Variants in PCDHA13 observed in about 807,000 individuals in gnomAD.
PCDHA13 encodes protocadherin alpha 13.
Under a neutral mutation model 64.8 loss-of-function variants are expected in PCDHA13, and 54 were observed. That is an observed-to-expected ratio of 0.83 (90% CI 0.67 to 1.04). PCDHA13 has a LOEUF of 1.04. Ranked by LOEUF, PCDHA13 falls within the 50% of genes least tolerant of loss-of-function variation. PCDHA13 has a pLI of 0.00. For missense variants in PCDHA13, 1,248 were observed against 1,254.3 expected, an observed-to-expected ratio of 0.99 and a Z score of 0.08; for synonymous variants, 587 against 564.4, an observed-to-expected ratio of 1.04 and a Z score of -0.57.
intron 3 of PCDHA13, among the ~76,000 whole-genome samples, chr5:140,991,989 G>A (rs782528431): frequency 1.3e-5 from 2 of 151,180 alleles, no homozygotes; most frequent in African/African-American, 4.9e-5. Flanking sequence ...CCTACCACCC[G>A]GTCTTTCATG....
At chr5:140,998,210 A>G (rs2097801454) in intron 3 of PCDHA13, among the ~76,000 whole-genome samples, 1 of 152,218 alleles carries the variant, frequency 6.6e-6, no homozygotes, top group South Asian at 2.1e-4. Flanking sequence ...TTTAATCTGT[A>G]TAACCACACC....
rs79396364 is a variant in PCDHA13 at position 140,939,917 on chromosome 5, T to C, written c.2395-39032T>C. On this transcript the variant is annotated intron_variant, in intron 1 of 3. Transcript: ENST00000289272. ...TATTCTGCATTCTTTTTTATTCTTT[T>C]TGTTTGCTTATTTTATCAGTTACTG... is the stretch of plus-strand genomic sequence containing the variant. Among the ~76,000 whole-genome samples, 828 of 152,316 alleles carry C rather than the reference T, an allele frequency of 5.4e-3. 3 individuals carry two copies. The highest frequency in any genetic ancestry group is 0.019 in the African/African-American group (797 of 41,560).
chr5:140,928,106 G>GGGA lies in PCDHA13; in HGVS notation c.2394+43446_2394+43448dup, dbSNP rs2084940814. The stretch of plus-strand genomic sequence containing the variant: ...CTGCTGATTGATGGGCCCCTGGACC[G>GGGA]GGAGCAGATCAGTGAATACCAAGTC... On this transcript the variant is annotated intron_variant, in intron 1 of 3. Coordinates refer to ENST00000289272, the MANE Select transcript of PCDHA13 (RefSeq NM_018904.3). The GGGA allele has an allele frequency of 1.9e-6, 3 of 1,614,032 alleles. No individual in the cohort carries two copies. In the South Asian group the frequency reaches 3.3e-5, roughly 18 times the overall value.
chr5:140,897,769 C>T (rs1441051679), intron 1 of PCDHA13, among the ~76,000 whole-genome samples: 2 of 152,198 alleles, frequency 1.3e-5, no homozygotes, highest in Non-Finnish European at 2.9e-5. Flanking sequence ...GCCACACTGA[C>T]TTCCACAATG....
chr5:140,975,588 A>G (rs2096673583), intron 1 of PCDHA13, among the ~76,000 whole-genome samples: 1 of 152,210 alleles, frequency 6.6e-6, no homozygotes, highest in South Asian at 2.1e-4. Context: ...CATGTCCCAG[A>G]GGGCAATTTG....
chr5:140,995,466 T>A (rs1325738929), intron 3 of PCDHA13, among the ~76,000 whole-genome samples: 1 of 152,196 alleles, frequency 6.6e-6, no homozygotes, highest in Non-Finnish European at 1.5e-5. Flanking sequence ...ATTTTTGAAA[T>A]TTTTCATTTA....
chr5:141,010,063 G>C lies in PCDHA13; in HGVS notation c.*126G>C, dbSNP rs1393265789. ...CTCTTAGAGACCTCAGAAATCTGCA[G>C]AAAGTTCCCTGTGTCTGTCTAGAAC... On this transcript the variant is annotated 3_prime_UTR_variant, in exon 4 of 4. Transcript: ENST00000289272. 31 of 1,602,790 alleles carry C rather than the reference G, an allele frequency of 1.9e-5. No individual in the cohort carries two copies. The highest frequency in any genetic ancestry group is 2.6e-5 in the Non-Finnish European group (31 of 1,174,498).
intron 1 of PCDHA13, chr5:140,928,218 A>G: frequency 6.2e-7 from 1 of 1,614,190 alleles, no homozygotes; most frequent in East Asian, 2.2e-5. Flanking sequence ...ATGACAATAC[A>G]CCAAACTTTC....
chr5:140,957,281 T>A (rs1317654133), intron 1 of PCDHA13, among the ~76,000 whole-genome samples: 3 of 152,178 alleles, frequency 2.0e-5, no homozygotes, highest in Non-Finnish European at 2.9e-5. Flanking sequence ...CCCCCTTACC[T>A]GCAGTTTCAC....
At chr5:140,904,692 A>G (rs1484371560) in intron 1 of PCDHA13, among the ~76,000 whole-genome samples, 1 of 152,126 alleles carries the variant, frequency 6.6e-6, no homozygotes, top group Non-Finnish European at 1.5e-5. Context: ...GCAGTGTAAA[A>G]TTGTTCCCTT....
chr5:140,975,016 G>T (rs782435284), intron 1 of PCDHA13, among the ~76,000 whole-genome samples: 6 of 152,128 alleles, frequency 3.9e-5, no homozygotes, highest in Non-Finnish European at 8.8e-5. Context: ...AACACAGCTG[G>T]GCTGTGTTGT....
At chr5:140,982,417 GA>G (rs1554244117) in intron 2 of PCDHA13, 57 bp from the exon 3 acceptor site, 1 of 1,610,428 alleles carries the variant, frequency 6.2e-7, no homozygotes, top group African/African-American at 1.3e-5. Flanking sequence ...GAGGGTGGAA[GA>G]AGAGATGGGA....
intron 1 of PCDHA13, chr5:140,967,093 G>T: frequency 6.2e-7 from 1 of 1,613,122 alleles, no homozygotes; most frequent in Non-Finnish European, 8.5e-7. Flanking sequence ...ATCGGGAGGC[G>T]CTGTGTGAGC....
chr5:140,888,275 G>A (rs974764035), intron 1 of PCDHA13, among the ~76,000 whole-genome samples: 1 of 152,056 alleles, frequency 6.6e-6, no homozygotes, highest in African/African-American at 2.4e-5. Context: ...AAACAGTTTT[G>A]TCCCCTCTAC....
At chr5:141,002,907 A>T (rs1201381868) in intron 3 of PCDHA13, among the ~76,000 whole-genome samples, 1 of 152,210 alleles carries the variant, frequency 6.6e-6, no homozygotes, top group Non-Finnish European at 1.5e-5. Flanking sequence ...TGAAGAGAAG[A>T]TCAGAAAAGT....
In PCDHA13 at chr5:140,882,985, C is replaced by T. The variant is rs1554176359; in HGVS notation, c.717C>T (p.Ala239=). The T allele has an allele frequency of 8.7e-6, 14 of 1,614,110 alleles. No homozygotes were observed. The highest frequency in any genetic ancestry group is 1.1e-5 in the Non-Finnish European group (13 of 1,180,034). Residue 239 remains alanine, a synonymous_variant, in exon 1 of 4, where the codon GCC becomes GCT. Coordinates refer to ENST00000289272, the MANE Select transcript of PCDHA13 (RefSeq NM_018904.3). ...LITILDVNDN[A]PEFYQSVYKV... The stretch of plus-strand genomic sequence containing the variant: ...CGATTCTGGACGTGAATGACAACGC[C>T]CCGGAATTTTACCAATCCGTTTATA...
chr5:140,903,768 T>C (rs1211667697), intron 1 of PCDHA13, among the ~76,000 whole-genome samples: 1 of 152,212 alleles, frequency 6.6e-6, no homozygotes, highest in Non-Finnish European at 1.5e-5. Flanking sequence ...TGCTGAACTT[T>C]TCTATCCATA....
Position 140,882,824 on chromosome 5 carries a change from C to G in PCDHA13, c.556C>G (p.Leu186Val). 3.7e-6 allele frequency: 6 copies of G among 1,614,206 alleles called. No individual in the cohort carries two copies. The highest frequency in any genetic ancestry group is 5.1e-6 in the Non-Finnish European group (6 of 1,180,034). Residue 186 changes from leucine to valine, a missense_variant, in exon 1 of 4, where the codon CTT becomes GTT. By Grantham distance (32) the Leu-to-Val change is conservative. Transcript: ENST00000289272. Reference protein sequence around the residue: ...DYFTLDAQNSLEQMSSLSLVL... With the variant: ...DYFTLDAQNSVEQMSSLSLVL... ...TTTCACTTTGGACGCACAAAACAGT[C>G]TTGAGCAAATGTCTTCATTATCACT...
chr5:140,953,809 G>A (rs1244835717), intron 1 of PCDHA13, among the ~76,000 whole-genome samples: 2 of 152,168 alleles, frequency 1.3e-5, no homozygotes, highest in East Asian at 1.9e-4. Context: ...GTTCTGAGGT[G>A]CATGTGCTAG....
Sources: gnomAD v4.1 joint callset for allele counts (sites outside exome capture counted in the v4.1 genomes callset) on GRCh38, gnomAD v4.1.1 for gene constraint, MANE v1.5 for transcripts, NCBI Gene and HGNC (gene_info 2026-07-23, HGNC 2026-07-21) for gene names.